Variants in SKIC2 observed in about 807,000 individuals in gnomAD.
The protein encoded by SKIC2 is SKI2 subunit of superkiller complex, also known as superkiller complex protein 2.
At chr6:31,961,416 A>C in the SKIC2 span, 1 of 1,528,068 alleles carries the variant, frequency 6.5e-7, no homozygotes, top group Non-Finnish European at 8.8e-7. Flanking sequence ...GGAGGCAAGA[A>C]AGAGCCTTGC....
At chr6:31,962,810 G>A in the SKIC2 span, 1 of 1,593,686 alleles carries the variant, frequency 6.3e-7, no homozygotes, top group Non-Finnish European at 8.6e-7. The surrounding 1 kb of genome is among the most constrained non-coding windows in gnomAD (Gnocchi z 5.0). Context: ...TAAGGGCCAT[G>A]GGCTCCCCAG....
the SKIC2 span, chr6:31,962,906 A>G: frequency 1.5e-6 from 2 of 1,331,508 alleles, no homozygotes; most frequent in South Asian, 2.4e-5. The surrounding 1 kb of genome is among the most constrained non-coding windows in gnomAD (Gnocchi z 5.0). Flanking sequence ...CTTTACCCCC[A>G]TATGGAATCC....
chr6:31,969,000 C>T, the SKIC2 span: 24 of 1,612,724 alleles, frequency 1.5e-5, no homozygotes, highest in South Asian at 1.8e-4. The surrounding 1 kb of genome is among the most constrained non-coding windows in gnomAD (Gnocchi z 6.1). Flanking sequence ...GAGCACCCTG[C>T]GGCCTGAGGA....
chr6:31,969,627 G>T, the SKIC2 span: 10 of 1,612,670 alleles, frequency 6.2e-6, no homozygotes, highest in Non-Finnish European at 8.5e-6. This position sits in a 1 kb window ranked among gnomAD's most constrained non-coding sequence, Gnocchi z 6.1. Flanking sequence ...CGCCTGGTAG[G>T]AGAGCCTGTG....
the SKIC2 span, chr6:31,959,299 C>T: frequency 1.3e-5 from 21 of 1,612,876 alleles, 1 homozygote; most frequent in Admixed American, 2.5e-4. Context: ...CCCCGTAGTG[C>T]TACCCCCTCC....
the SKIC2 span, chr6:31,962,577 G>A: frequency 6.2e-7 from 1 of 1,613,172 alleles, no homozygotes; most frequent in African/African-American, 1.3e-5. This position sits in a 1 kb window ranked among gnomAD's most constrained non-coding sequence, Gnocchi z 5.0. Context: ...TGACCACAGA[G>A]ATCCTTCGGT....
At chr6:31,968,208 C>T in the SKIC2 span, 219 of 1,466,226 alleles carry the variant, frequency 1.5e-4, 3 homozygotes, top group Middle Eastern at 8.5e-4. This position sits in a 1 kb window ranked among gnomAD's most constrained non-coding sequence, Gnocchi z 6.1. Flanking sequence ...TGAGGGGGCT[C>T]CCCCAGCCTA....
At chr6:31,960,902 G>A in the SKIC2 span, 1 of 872,342 alleles carries the variant, frequency 1.1e-6, no homozygotes, top group Non-Finnish European at 1.9e-6. Context: ...AACCTTTACT[G>A]TCATCTGTTG....
the SKIC2 span, chr6:31,963,666 A>G: frequency 6.4e-7 from 1 of 1,555,750 alleles, no homozygotes; most frequent in Non-Finnish European, 8.7e-7. The surrounding 1 kb of genome is among the most constrained non-coding windows in gnomAD (Gnocchi z 5.3). Flanking sequence ...GCCAAGAAGG[A>G]GAGAATGAGC....
the SKIC2 span, chr6:31,963,228 G>T: frequency 1.3e-6 from 1 of 794,526 alleles, no homozygotes; most frequent in Non-Finnish European, 2.0e-6. The surrounding 1 kb of genome is among the most constrained non-coding windows in gnomAD (Gnocchi z 5.3). Context: ...CCACCTGGTG[G>T]CTGTGGGATC....
the SKIC2 span, chr6:31,963,027 C>T: frequency 3.7e-6 from 6 of 1,612,732 alleles, no homozygotes; most frequent in Admixed American, 1.7e-5. The surrounding 1 kb of genome is among the most constrained non-coding windows in gnomAD (Gnocchi z 5.3). Context: ...GCTACCTGAC[C>T]ACGTTTCTAT....
At chr6:31,964,444 G>C in the SKIC2 span, 1 of 835,406 alleles carries the variant, frequency 1.2e-6, no homozygotes, top group Non-Finnish European at 2.0e-6. The surrounding 1 kb of genome is among the most constrained non-coding windows in gnomAD (Gnocchi z 5.0). Context: ...CAGTGCTGTG[G>C]TTAAGAATCT....
the SKIC2 span, chr6:31,963,872 A>G: frequency 6.4e-7 from 1 of 1,556,438 alleles, no homozygotes; most frequent in South Asian, 1.1e-5. The surrounding 1 kb of genome is among the most constrained non-coding windows in gnomAD (Gnocchi z 5.3). Flanking sequence ...TTGGTTCAGG[A>G]ACTCAACCTC....
At chr6:31,966,029 T>C in the SKIC2 span, 1 of 1,515,812 alleles carries the variant, frequency 6.6e-7, no homozygotes. This position sits in a 1 kb window ranked among gnomAD's most constrained non-coding sequence, Gnocchi z 5.9. Flanking sequence ...CGGGCCAGCA[T>C]GCTCGGCAGG....
chr6:31,962,914 T>C, the SKIC2 span: 1 of 1,350,458 alleles, frequency 7.4e-7, no homozygotes, highest in Non-Finnish European at 1.1e-6. The surrounding 1 kb of genome is among the most constrained non-coding windows in gnomAD (Gnocchi z 5.0). Context: ...CCATATGGAA[T>C]CCTGTGCCTC....
the SKIC2 span, chr6:31,967,860 A>G: frequency 1.2e-6 from 2 of 1,612,978 alleles, no homozygotes; most frequent in Non-Finnish European, 1.7e-6. The surrounding 1 kb of genome is among the most constrained non-coding windows in gnomAD (Gnocchi z 4.9). Context: ...TTCCTGCCTG[A>G]AGGTGAGAGT....
the SKIC2 span, chr6:31,962,946 C>T: frequency 1.3e-6 from 2 of 1,503,330 alleles, no homozygotes; most frequent in Non-Finnish European, 1.8e-6. The surrounding 1 kb of genome is among the most constrained non-coding windows in gnomAD (Gnocchi z 5.0). Flanking sequence ...AAGGGCGGCC[C>T]CTGCCCTCAT....
chr6:31,966,996 C>T, the SKIC2 span: 1 of 1,612,994 alleles, frequency 6.2e-7, no homozygotes, highest in Non-Finnish European at 8.5e-7. This position sits in a 1 kb window ranked among gnomAD's most constrained non-coding sequence, Gnocchi z 5.9. Context: ...CCCCTGCTCC[C>T]ACCCAAGGCC....
the SKIC2 span, chr6:31,960,845 C>T: frequency 3.1e-6 from 3 of 967,068 alleles, no homozygotes; most frequent in African/African-American, 4.9e-5. Context: ...AAAAGATATT[C>T]TGTCCATAAC....
Sources: gnomAD v4.1 joint callset for allele counts on GRCh38, gnomAD v4.1.1 for gene constraint, Gnocchi (gnomAD v3.1) non-coding constraint, MANE v1.5 for transcripts, NCBI Gene and HGNC (gene_info 2026-07-23, HGNC 2026-07-21) for gene names.